OPCML: variants seen among roughly 807,000 people sequenced by gnomAD.
The protein encoded by OPCML is opioid binding protein/cell adhesion molecule like.
In OPCML, 13 loss-of-function variants were observed where a neutral mutation model predicts 37.8. That is an observed-to-expected ratio of 0.34 (90% CI 0.22 to 0.55). The LOEUF is 0.55. Among genes scored for constraint, OPCML ranks in the 20% least tolerant of loss-of-function variants. OPCML has a pLI of 0.91. For synonymous variants in OPCML, 176 were observed against 168.8 expected (o/e 1.04, Z -0.33); for missense variants, 341 against 435.6 (o/e 0.78, Z 1.93).
intron 1 of OPCML, among the ~76,000 whole-genome samples, chr11:133,363,077 A>G (rs1944459536): frequency 6.6e-6 from 1 of 152,178 alleles, no homozygotes; most frequent in Non-Finnish European, 1.5e-5. Flanking sequence ...ACCCTGCCCC[A>G]TGGAAGGACC....
At chr11:132,610,024 G>T (rs1174874525) in intron 3 of OPCML, among the ~76,000 whole-genome samples, 1 of 117,976 alleles carries the variant, frequency 8.5e-6, no homozygotes, top group Non-Finnish European at 1.6e-5. Context: ...TGTAAATTCA[G>T]GTTACGTTAA....
At chr11:132,723,111 G>A (rs566051808) in intron 2 of OPCML, among the ~76,000 whole-genome samples, 11 of 152,200 alleles carry the variant, frequency 7.2e-5, no homozygotes, top group Non-Finnish European at 1.3e-4. Context: ...GTCCACTGAA[G>A]AAACAAGAGA....
intron 1 of OPCML, among the ~76,000 whole-genome samples, chr11:133,013,181 T>C (rs1418180658): frequency 6.6e-6 from 1 of 152,236 alleles, no homozygotes; most frequent in African/African-American, 2.4e-5. Flanking sequence ...TGGGCTCTGT[T>C]TTACAGAGAA....
In OPCML at chr11:132,715,058, C is replaced by A. The variant is rs1158805210; in HGVS notation, c.147-57739G>T. ...TTCCCTGCTCATGGGCAAGGGAGGG[C>A]AGGCAGCTCTCAGACAGATCACCCC... is the stretch of plus-strand genomic sequence containing the variant. On this transcript the variant is annotated intron_variant, in intron 2 of 7. Transcript: ENST00000524381. Among the ~76,000 whole-genome samples, 61 of 152,156 alleles carry A rather than the reference C, an allele frequency of 4.0e-4. 2 individuals carry two copies. Among genetic ancestry groups the A allele is most frequent in the Admixed American group, 3.9e-3 (60 of 15,282 alleles).
At chr11:132,781,955 T>TATATATA (rs60644917) in intron 2 of OPCML, among the ~76,000 whole-genome samples, 112 of 43,968 alleles carry the variant, frequency 2.5e-3, no homozygotes, top group African/African-American at 6.6e-3. Context: ...TATATATATA[T>TATATATA]TTTTTTTTTT....
At chr11:132,477,901 C>T (rs894195868) in intron 4 of OPCML, among the ~76,000 whole-genome samples, 9 of 151,894 alleles carry the variant, frequency 5.9e-5, no homozygotes, top group African/African-American at 1.9e-4. Context: ...AGATGAAGAC[C>T]CTTTGAAAAC....
chr11:132,603,763 T>C (rs2137795861), intron 3 of OPCML, among the ~76,000 whole-genome samples: 1 of 152,336 alleles, frequency 6.6e-6, no homozygotes, highest in South Asian at 2.1e-4. Flanking sequence ...ACTCTAGCAA[T>C]ACTAAACTAC....
chr11:133,378,955 CTA>C (rs1176677193), intron 1 of OPCML, among the ~76,000 whole-genome samples: 1 of 152,042 alleles, frequency 6.6e-6, no homozygotes, highest in Non-Finnish European at 1.5e-5. Context: ...GGGGTTCTCA[CTA>C]TGTTGCCCAG....
intron 1 of OPCML, 111 bp downstream of exon 1, chr11:133,532,153 C>A (rs1297413166): frequency 2.4e-5 from 37 of 1,513,152 alleles, no homozygotes; most frequent in Non-Finnish European, 3.0e-5. Context: ...GCATCTCACA[C>A]TCCCTGTCCT....
chr11:132,733,129 A>G (rs113608414), intron 2 of OPCML, among the ~76,000 whole-genome samples: 1,976 of 152,322 alleles, frequency 0.013, 40 homozygotes, highest in African/African-American at 0.046. Context: ...ATCATCACGA[A>G]GATGAAATAA....
chr11:132,619,325 ATCTC>A (rs1939251752), intron 3 of OPCML, among the ~76,000 whole-genome samples: 1 of 152,104 alleles, frequency 6.6e-6, no homozygotes, highest in Non-Finnish European at 1.5e-5. Context: ...CTGTAATAGA[ATCTC>A]TCTTCCTATT....
chr11:132,678,482 A>G (rs1421897950), intron 2 of OPCML, among the ~76,000 whole-genome samples: 2 of 152,230 alleles, frequency 1.3e-5, no homozygotes, highest in Non-Finnish European at 2.9e-5. Context: ...TACCTAAATT[A>G]GGAAGCAACT....
chr11:132,841,035 A>G (rs1241422917), intron 2 of OPCML, among the ~76,000 whole-genome samples: 1 of 152,184 alleles, frequency 6.6e-6, no homozygotes, highest in Non-Finnish European at 1.5e-5. Context: ...TCATCGTTCA[A>G]GAGGGAAAAA....
At chr11:132,824,899 C>T (rs1940207990) in intron 2 of OPCML, among the ~76,000 whole-genome samples, 1 of 152,112 alleles carries the variant, frequency 6.6e-6, no homozygotes, top group African/African-American at 2.4e-5. Context: ...GCCTTGTATG[C>T]TCCCTTCTCT....
At chr11:133,430,526 C>T (rs914809823) in intron 1 of OPCML, among the ~76,000 whole-genome samples, 3 of 151,982 alleles carry the variant, frequency 2.0e-5, no homozygotes, top group Non-Finnish European at 2.9e-5. Flanking sequence ...GATGGATAAT[C>T]TAAGCACAAC....
intron 1 of OPCML, among the ~76,000 whole-genome samples, chr11:133,035,778 A>G (rs1336301705): frequency 6.6e-6 from 1 of 152,130 alleles, no homozygotes. Context: ...TGTTGTCCTT[A>G]TAAGAAGAGG....
At chr11:132,994,561 G>A (rs1946847525) in intron 1 of OPCML, among the ~76,000 whole-genome samples, 1 of 152,102 alleles carries the variant, frequency 6.6e-6, no homozygotes, top group African/African-American at 2.4e-5. Context: ...GAAGGCTCAG[G>A]GCGGGGATTT....
intron 3 of OPCML, among the ~76,000 whole-genome samples, chr11:132,596,583 G>A (rs1319852735): frequency 6.6e-6 from 1 of 152,150 alleles, no homozygotes; most frequent in Non-Finnish European, 1.5e-5. Flanking sequence ...TCTGTCAAGG[G>A]TTGTGTTGTG....
chr11:133,036,097 A>G (rs1029003949), intron 1 of OPCML, among the ~76,000 whole-genome samples: 13 of 152,234 alleles, frequency 8.5e-5, no homozygotes, highest in Admixed American at 2.6e-4. Flanking sequence ...TGAGATTTAG[A>G]TAAACTAAAA....
Sources: allele counts gnomAD v4.1 joint callset (sites outside exome capture counted in the v4.1 genomes callset), GRCh38; gene constraint gnomAD v4.1.1; transcripts MANE v1.5; gene names NCBI Gene and HGNC (gene_info 2026-07-23, HGNC 2026-07-21).